JAKMIP3: variants seen among roughly 807,000 people sequenced by gnomAD.
JAKMIP3 encodes janus kinase and microtubule-interacting protein 3.
A neutral mutation model predicts 118.5 loss-of-function variants in JAKMIP3; 58 were observed. The ratio of observed to expected loss-of-function variants is 0.49; its 90% CI spans 0.40 to 0.61. The LOEUF (loss-of-function observed/expected upper bound fraction) is 0.61, where lower values mean the gene tolerates loss of function less well. Ranked by LOEUF, JAKMIP3 falls within the 20% of genes least tolerant of loss-of-function variation. The probability of loss-of-function intolerance (pLI) is 0.00; values close to 1 mark genes in which losing one functional copy is unlikely to be tolerated. For synonymous variants in JAKMIP3, 486 were observed against 451.2 expected, an observed-to-expected ratio of 1.08 and a Z score of -0.98; for missense variants, 950 against 1,109.0, an observed-to-expected ratio of 0.86 and a Z score of 2.04.
intron 19 of JAKMIP3, among the ~76,000 whole-genome samples, chr10:132,162,677 T>C (rs896916750): frequency 3.3e-5 from 5 of 151,934 alleles, no homozygotes; most frequent in Admixed American, 6.6e-5. Flanking sequence ...TTACAAAGAT[T>C]GTATCAATAA....
At chr10:132,090,508 A>G (rs983640871) in intron 1 of JAKMIP3, among the ~76,000 whole-genome samples, 2 of 152,146 alleles carry the variant, frequency 1.3e-5, no homozygotes, top group Admixed American at 6.5e-5. Flanking sequence ...AGAGGTGTTT[A>G]TAGTATTCTC....
intron 21 of JAKMIP3, among the ~76,000 whole-genome samples, chr10:132,165,003 G>T (rs2246977): frequency 0.86 from 130,524 of 152,234 alleles, 56,145 homozygotes; most frequent in East Asian, 0.96. Flanking sequence ...CCATGCGACC[G>T]CAGAGGAGCC....
At chr10:132,139,511 AGT>A (rs1204191436) in intron 9 of JAKMIP3, among the ~76,000 whole-genome samples, 1 of 60,682 alleles carries the variant, frequency 1.6e-5, no homozygotes, top group Admixed American at 1.6e-4. Context: ...TGTATGTGTG[AGT>A]GTGAGTGTGT....
rs1450885720 is a variant in JAKMIP3, at chr10:132,168,331, C to A, written c.*401C>A. The A allele has an allele frequency of 3.9e-6, 5 of 1,289,372 alleles. No homozygotes were observed. The East Asian group carries it at 2.8e-4, about 72-fold the overall frequency. 79.9% of individuals were successfully genotyped at this position (1,289,372 alleles called of 1,614,324 possible). ...GCGGGTCCCCTCCTCTCTCTTGGTT[C>A]TCACAGTAGCTGCCACTGGTGTCTG... On this transcript the variant is annotated 3_prime_UTR_variant, in exon 23 of 24. Transcript: ENST00000684848.
At chr10:132,058,751 T>C (rs1403343630) in intron 1 of JAKMIP3, among the ~76,000 whole-genome samples, 2 of 152,244 alleles carry the variant, frequency 1.3e-5, no homozygotes, top group Non-Finnish European at 2.9e-5. Flanking sequence ...TGCATCCAGA[T>C]GCTTCTCGAC....
At chr10:132,176,921 C>T (rs1421226238) in intron 23 of JAKMIP3, among the ~76,000 whole-genome samples, 1 of 152,086 alleles carries the variant, frequency 6.6e-6, no homozygotes, top group Admixed American at 6.5e-5. Context: ...TGATGCCAAC[C>T]TCTTTTCTGG....
At position 132,142,970 on chromosome 10, in the gene JAKMIP3, G is replaced by C. The variant is rs1328403422; in HGVS notation, c.1602+922G>C. Among the ~76,000 whole-genome samples, 10 of 152,280 alleles carry C rather than the reference G, an allele frequency of 6.6e-5. No individual in the cohort carries two copies. The East Asian group carries it at 1.9e-3, about 30-fold the overall frequency. ...GGAGAGTGTCCACAGAGCATCCCCA[G>C]CGTGGTCCACGCTAGTGCCCCAGGG... On this transcript the variant is annotated intron_variant, in intron 11 of 23. Transcript: ENST00000684848.
chr10:132,088,631 C>A (rs1353979450), intron 1 of JAKMIP3, among the ~76,000 whole-genome samples: 1 of 152,160 alleles, frequency 6.6e-6, no homozygotes, highest in African/African-American at 2.4e-5. Flanking sequence ...GAGTAGATTG[C>A]AAAAATTTTC....
intron 1 of JAKMIP3, among the ~76,000 whole-genome samples, chr10:132,076,504 C>T (rs545498962): frequency 9.8e-5 from 15 of 152,406 alleles, no homozygotes; most frequent in Admixed American, 2.6e-4. Context: ...CTTGTGTTTC[C>T]GTTCTCTTGG....
chr10:132,110,307 C>G (rs77589457), intron 2 of JAKMIP3, among the ~76,000 whole-genome samples: 1 of 152,236 alleles, frequency 6.6e-6, no homozygotes, highest in African/African-American at 2.4e-5. Context: ...CAGGTGCTCC[C>G]GGGCTGCTGG....
chr10:132,152,843 C>A, intron 16 of JAKMIP3, 115 bp from the exon 17 acceptor site: 1 of 761,506 alleles, frequency 1.3e-6, no homozygotes. Context: ...GCTCTGGCCC[C>A]CACCCAGGCG....
At chr10:132,085,878 G>T (rs1182818120) in intron 1 of JAKMIP3, among the ~76,000 whole-genome samples, 2 of 151,942 alleles carry the variant, frequency 1.3e-5, no homozygotes, top group African/African-American at 4.8e-5. Context: ...ATTTAGTTCT[G>T]CACTGATCTT....
chr10:132,131,946 A>G (rs748809482), intron 3 of JAKMIP3, among the ~76,000 whole-genome samples: 84 of 152,286 alleles, frequency 5.5e-4, no homozygotes, highest in Non-Finnish European at 9.1e-4. Flanking sequence ...GAAACAGCCC[A>G]CCGTGAGCAA....
chr10:132,128,143 G>T lies in JAKMIP3; in HGVS notation c.634-5169G>T, dbSNP rs535590218. 2.0e-5 allele frequency among the ~76,000 whole-genome samples: 3 copies of T among 152,302 alleles called. No individual in the cohort carries two copies. The East Asian group carries it at 5.8e-4, about 29-fold the overall frequency. On this transcript the variant is annotated intron_variant, in intron 3 of 23. Coordinates refer to ENST00000684848, the MANE Select transcript of JAKMIP3 (RefSeq NM_001323087.2). ...CTCTACTTTTGTCTAAGGACATCTT[G>T]ACTTGCCTTCATTTCCAAGGATGTA...
rs186941667 is a variant in JAKMIP3, at chr10:132,168,759, G to C, written c.*829G>C. ...GAGGTGGGACGAGGGGGCGGAGCTGGCTGGAACACGGATGCCAGAGGCTGC... is the reference window on the plus strand; with the variant it reads ...GAGGTGGGACGAGGGGGCGGAGCTGCCTGGAACACGGATGCCAGAGGCTGC... On this transcript the variant is annotated 3_prime_UTR_variant, in exon 23 of 24. Transcript: ENST00000684848. 5.0e-3 allele frequency: 1,281 copies of C among 254,418 alleles called. 22 individuals carry two copies. The highest frequency in any genetic ancestry group is 0.027 in the African/African-American group (1,157 of 42,848). The allele number at this position is 254,418 out of a possible 1,614,324, so 15.8% of individuals were successfully genotyped here. A position where few individuals can be genotyped will look rare whatever the true frequency, so the allele number is the denominator to read the frequency against.
chr10:132,114,041 G>A (rs755453475), intron 2 of JAKMIP3, among the ~76,000 whole-genome samples: 1 of 152,202 alleles, frequency 6.6e-6, no homozygotes, highest in Non-Finnish European at 1.5e-5. Flanking sequence ...TGTGTCCCTT[G>A]CTTACTCCTT....
rs180943772 is a variant in JAKMIP3 at position 132,049,210 on chromosome 10, C to T, written c.-138+12472C>T. Among the ~76,000 whole-genome samples the T allele has an allele frequency of 2.0e-5, 3 of 147,768 alleles. No individual in the cohort carries two copies. The highest frequency in any genetic ancestry group is 1.9e-4 in the East Asian group (1 of 5,172). On this transcript the variant is annotated intron_variant, in intron 1 of 23. Coordinates refer to the JAKMIP3 transcript ENST00000657785. This position sits in a 1 kb window ranked among gnomAD's most constrained non-coding sequence, Gnocchi z 4.3. ...CTAGCGGCTGGCGAGCTCTTTGCACCGTGGATTCGGGTCTGTTTCTATGTA... is the reference window on the plus strand; with the variant it reads ...CTAGCGGCTGGCGAGCTCTTTGCACTGTGGATTCGGGTCTGTTTCTATGTA...
At chr10:132,129,693 G>A (rs1211222559) in intron 3 of JAKMIP3, among the ~76,000 whole-genome samples, 4 of 152,122 alleles carry the variant, frequency 2.6e-5, no homozygotes, top group African/African-American at 4.8e-5. Flanking sequence ...GACAGCGGTC[G>A]CAGGGGCTGT....
chr10:132,041,076 T>C (rs759484439), intron 1 of JAKMIP3, among the ~76,000 whole-genome samples: 10 of 152,164 alleles, frequency 6.6e-5, no homozygotes, highest in African/African-American at 4.8e-5. Flanking sequence ...CTTTTTGAGA[T>C]GGAGTCTTGC....
Sources: gnomAD v4.1 joint callset for allele counts (sites outside exome capture counted in the v4.1 genomes callset) on GRCh38, gnomAD v4.1.1 for gene constraint, Gnocchi (gnomAD v3.1) non-coding constraint, MANE v1.5 for transcripts, NCBI Gene and HGNC (gene_info 2026-07-23, HGNC 2026-07-21) for gene names.